The following CACNA1E variants were observed in gnomAD, a reference collection of about 807,000 sequenced individuals.
CACNA1E encodes voltage-dependent R-type calcium channel subunit alpha-1E.
In CACNA1E, 40 loss-of-function variants were observed where a neutral mutation model predicts 259.2. The ratio of observed to expected loss-of-function variants is 0.15; its 90% CI spans 0.12 to 0.20. CACNA1E has a LOEUF of 0.20. Among genes scored for constraint, CACNA1E ranks in the 10% least tolerant of loss-of-function variants. The pLI, the probability that CACNA1E is intolerant of heterozygous loss-of-function variation, is 1.00. For synonymous variants in CACNA1E, 1,104 were observed against 1,138.5 expected, an observed-to-expected ratio of 0.97 and a Z score of 0.61; for missense variants, 1,874 against 3,040.1, an observed-to-expected ratio of 0.62 and a Z score of 9.02.
chr1:181,750,821 G>A (rs763927905), intron 26 of CACNA1E, among the ~76,000 whole-genome samples: 1 of 152,070 alleles, frequency 6.6e-6, no homozygotes, highest in Non-Finnish European at 1.5e-5. Flanking sequence ...TTCAGATCTG[G>A]GATTGAATAA....
At chr1:181,628,327 A>G (rs190550872) in intron 6 of CACNA1E, among the ~76,000 whole-genome samples, 161 of 152,340 alleles carry the variant, frequency 1.1e-3, no homozygotes, top group Admixed American at 1.8e-3. Context: ...CTGTTTCTCA[A>G]GAAGGACTCT....
Position 181,799,101 on chromosome 1 carries a change from G to A in CACNA1E, c.*267G>A, listed in dbSNP as rs1363493868. The stretch of plus-strand genomic sequence containing the variant: ...CAGGAACGTGGAGGGTTATTACTGC[G>A]GGAGAAGGGACACGAGGATGGCTTT... On this transcript the variant is annotated 3_prime_UTR_variant, in exon 48 of 48. Coordinates refer to ENST00000367573, the MANE Select transcript of CACNA1E (RefSeq NM_001205293.3). 4.9e-5 allele frequency: 17 copies of A among 344,174 alleles called. No homozygotes were observed. Among genetic ancestry groups the A allele is most frequent in the African/African-American group, 1.5e-4 (7 of 47,740 alleles). 21.3% of individuals were successfully genotyped at this position (344,174 alleles called of 1,614,324 possible).
intron 6 of CACNA1E, among the ~76,000 whole-genome samples, chr1:181,614,931 G>A (rs748290501): frequency 2.6e-5 from 4 of 151,976 alleles, no homozygotes; most frequent in Non-Finnish European, 4.4e-5. Flanking sequence ...GCATATAAGT[G>A]GACCCATGCA....
chr1:181,783,861 T>G, intron 40 of CACNA1E, 77 bp downstream of exon 40: 1 of 914,240 alleles, frequency 1.1e-6, no homozygotes. Flanking sequence ...GATGGAGATA[T>G]TTGAACTGTC....
intron 2 of CACNA1E, among the ~76,000 whole-genome samples, chr1:181,469,668 A>C (rs1168534677): frequency 1.3e-5 from 2 of 152,200 alleles, no homozygotes; most frequent in East Asian, 1.9e-4. Context: ...ATAGTGAAGA[A>C]GGCAGACACC....
chr1:181,619,536 A>G (rs1201715814), intron 6 of CACNA1E, among the ~76,000 whole-genome samples: 1 of 152,206 alleles, frequency 6.6e-6, no homozygotes, highest in Non-Finnish European at 1.5e-5. Context: ...GACATGATTC[A>G]GCTTACATTT....
At chr1:181,628,148 C>T (rs1374825323) in intron 6 of CACNA1E, among the ~76,000 whole-genome samples, 1 of 152,144 alleles carries the variant, frequency 6.6e-6, no homozygotes, top group East Asian at 1.9e-4. Context: ...GTGAGAACCT[C>T]GATTGCCCTA....
chr1:181,350,323 A>T (rs1652935089), intron 1 of CACNA1E, among the ~76,000 whole-genome samples: 1 of 152,220 alleles, frequency 6.6e-6, no homozygotes. Context: ...GCCCTCCGTC[A>T]TCCAGAGCTG....
chr1:181,795,767 A>AT (rs1661742288), intron 46 of CACNA1E, among the ~76,000 whole-genome samples: 4 of 113,318 alleles, frequency 3.5e-5, no homozygotes, highest in Non-Finnish European at 6.0e-5. Flanking sequence ...TTTTGCTTTA[A>AT]ATATATATAT....
intron 2 of CACNA1E, among the ~76,000 whole-genome samples, chr1:181,424,706 C>T (rs1425379604): frequency 3.9e-5 from 6 of 152,346 alleles, no homozygotes; most frequent in South Asian, 2.1e-4. Context: ...TTTTCCAGAG[C>T]ACAGTGCTGG....
intron 1 of CACNA1E, among the ~76,000 whole-genome samples, chr1:181,384,835 C>T (rs1655724567): frequency 6.6e-6 from 1 of 152,132 alleles, no homozygotes; most frequent in East Asian, 1.9e-4. Flanking sequence ...CACATGTATA[C>T]ATATGTAACT....
intron 2 of CACNA1E, among the ~76,000 whole-genome samples, chr1:181,445,991 G>GT (rs930547552): frequency 3.8e-4 from 58 of 151,642 alleles, no homozygotes; most frequent in Middle Eastern, 3.4e-3. Context: ...GTGAATGCAT[G>GT]TTTTTTTTTC....
At chr1:181,760,417 A>T (rs1347919256) in intron 32 of CACNA1E, among the ~76,000 whole-genome samples, 1 of 152,236 alleles carries the variant, frequency 6.6e-6, no homozygotes, top group Admixed American at 6.5e-5. Flanking sequence ...TGAAATAGGC[A>T]TGGCAGATGT....
intron 1 of CACNA1E, among the ~76,000 whole-genome samples, chr1:181,371,761 T>C (rs1388991348): frequency 6.6e-6 from 1 of 152,204 alleles, no homozygotes; most frequent in East Asian, 1.9e-4. Flanking sequence ...TTGATTTTTC[T>C]ATGTAGTGAA....
chr1:181,733,808 G>A, intron 21 of CACNA1E, 58 bp downstream of exon 21: 1 of 1,318,434 alleles, frequency 7.6e-7, no homozygotes, highest in East Asian at 2.8e-5. Flanking sequence ...CTGGGGCTGG[G>A]GCCATGACAA....
At chr1:181,504,801 G>A (rs1431816120) in intron 1 of CACNA1E, among the ~76,000 whole-genome samples, 1 of 152,204 alleles carries the variant, frequency 6.6e-6, no homozygotes, top group Non-Finnish European at 1.5e-5. Context: ...AAGGAGCATT[G>A]GGTAAAGGAG....
intron 3 of CACNA1E, among the ~76,000 whole-genome samples, chr1:181,565,585 G>A (rs903975324): frequency 1.7e-4 from 26 of 152,306 alleles, no homozygotes; most frequent in African/African-American, 6.0e-4. Context: ...TGTTAACTGT[G>A]GCCAGTAGTG....
intron 3 of CACNA1E, among the ~76,000 whole-genome samples, chr1:181,520,065 A>G (rs898165908): frequency 6.6e-6 from 1 of 152,224 alleles, no homozygotes; most frequent in South Asian, 2.1e-4. Flanking sequence ...GACAGCTCCC[A>G]TTTAACCAGG....
intron 1 of CACNA1E, among the ~76,000 whole-genome samples, chr1:181,347,513 CA>C (rs1443476610): frequency 6.6e-6 from 1 of 152,188 alleles, no homozygotes; most frequent in African/African-American, 2.4e-5. Context: ...CAAAGAGCAT[CA>C]GGGCCCCCTC....
Sources: gnomAD v4.1 joint callset for allele counts (sites outside exome capture counted in the v4.1 genomes callset) on GRCh38, gnomAD v4.1.1 for gene constraint, MANE v1.5 for transcripts, NCBI Gene and HGNC (gene_info 2026-07-23, HGNC 2026-07-21) for gene names.